POLB: variants seen among roughly 807,000 people sequenced by gnomAD.
POLB encodes DNA polymerase beta, also known as 5'-dRP lyase.
POLB carries 37 observed loss-of-function variants against 52.7 expected under a neutral mutation model. The observed-to-expected ratio is 0.70, with a 90% CI of 0.54 to 0.92. The LOEUF is 0.92. Among genes scored for constraint, POLB ranks in the 40% least tolerant of loss-of-function variants. The probability of loss-of-function intolerance (pLI) is 0.00; values close to 1 mark genes in which losing one functional copy is unlikely to be tolerated. For missense variants in POLB, 313 were observed against 400.8 expected (o/e 0.78, Z 1.87); for synonymous variants, 138 against 131.3 (o/e 1.05, Z -0.35).
At chr8:42,349,329 A>G in intron 4 of POLB, 1 of 340,388 alleles carries the variant, frequency 2.9e-6, no homozygotes, top group Non-Finnish European at 5.3e-6. Flanking sequence ...TTTCAGTACT[A>G]TTCAGAAAAG....
At chr8:42,361,226 A>G in intron 9 of POLB, 69 bp from the exon 10 acceptor site, 8 of 1,018,626 alleles carry the variant, frequency 7.9e-6, no homozygotes, top group Non-Finnish European at 1.3e-5. Flanking sequence ...GTGTGTCATC[A>G]GCTTGGTTCC....
At chr8:42,351,482 T>C (rs1822978384) in intron 5 of POLB, among the ~76,000 whole-genome samples, 1 of 152,228 alleles carries the variant, frequency 6.6e-6, no homozygotes, top group Non-Finnish European at 1.5e-5. Context: ...GCTCCTGCTT[T>C]ATTATGCTGT....
Position 42,350,087 on chromosome 8 carries a change from GAC to G in POLB, c.320+26_320+27del, listed in dbSNP as rs747183821. Reference sequence around the variant, plus strand: ...TTGGGTAAGAACTATTTTTTAAGCAGACACAATCGTCAGTTAGTTTATTTTTC... The same window carrying G: ...TTGGGTAAGAACTATTTTTTAAGCAGACAATCGTCAGTTAGTTTATTTTTC... On this transcript the variant is annotated intron_variant, in intron 5 of 13. Coordinates refer to ENST00000265421, the MANE Select transcript of POLB (RefSeq NM_002690.3). The G allele has an allele frequency of 6.0e-6, 9 of 1,490,522 alleles. No homozygotes were observed. The South Asian group carries it at 1.0e-4, about 17-fold the overall frequency. The allele number at this position is 1,490,522 out of a possible 1,614,324, so 92.3% of individuals were successfully genotyped here.
intron 2 of POLB, chr8:42,342,399 A>G: frequency 6.9e-7 from 1 of 1,454,566 alleles, no homozygotes; most frequent in Non-Finnish European, 9.5e-7. Context: ...GTTCGTGTGC[A>G]TATGCTGCGC....
Position 42,341,925 on chromosome 8 carries a change from C to T in POLB, c.119+2856C>T, listed in dbSNP as rs555728698. ...TAGACTGGATTCTCTCCTATAGCAG[C>T]ATGAGCTTTCATCTCCTTCATCATG... On this transcript the variant is annotated intron_variant, in intron 2 of 13. Coordinates refer to ENST00000265421, the MANE Select transcript of POLB (RefSeq NM_002690.3). 7.0e-5 allele frequency: 47 copies of T among 668,160 alleles called. No individual in the cohort carries two copies. The East Asian group carries it at 1.1e-3, about 16-fold the overall frequency. The allele number at this position is 668,160 out of a possible 1,614,324, so 41.4% of individuals were successfully genotyped here.
Position 42,370,268 on chromosome 8 carries a change from T to TG in POLB, c.913+280_913+281insG, listed in dbSNP as rs1330925936. ...TTATTCATCTAAAAGGGTTTTTTTT[T>TG]TTTTTTTTTTTTTTTTGCTGTTGTT... is the stretch of plus-strand genomic sequence containing the variant. On this transcript the variant is annotated intron_variant, in intron 13 of 13. Transcript: ENST00000265421. 988 of 450,278 alleles carry TG rather than the reference T, an allele frequency of 2.2e-3. 1 individual carries two copies. The highest frequency in any genetic ancestry group is 3.6e-3 in the South Asian group (193 of 54,316). The allele number at this position is 450,278 out of a possible 1,614,324, so 27.9% of individuals were successfully genotyped here. A position where few individuals can be genotyped will look rare whatever the true frequency, so the allele number is the denominator to read the frequency against.
At chr8:42,354,645 G>T (rs925086651) in intron 6 of POLB, 5 of 397,872 alleles carry the variant, frequency 1.3e-5, no homozygotes, top group Non-Finnish European at 2.5e-5. Context: ...CTGGGTTCAA[G>T]TGATTCTCCT....
intron 9 of POLB, chr8:42,357,721 C>A: frequency 1.6e-5 from 3 of 189,464 alleles, no homozygotes; most frequent in Non-Finnish European, 2.0e-5. Flanking sequence ...ATTTACCTTT[C>A]TTTTTCCTTT....
chr8:42,364,248 C>T (rs1823905423), intron 11 of POLB, among the ~76,000 whole-genome samples: 1 of 149,192 alleles, frequency 6.7e-6, no homozygotes, highest in South Asian at 2.1e-4. Flanking sequence ...TTCTTAGTTC[C>T]TTTTTTTTTG....
intron 5 of POLB, among the ~76,000 whole-genome samples, chr8:42,350,631 G>T (rs1220921671): frequency 2.0e-5 from 3 of 152,080 alleles, no homozygotes; most frequent in Non-Finnish European, 2.9e-5. Flanking sequence ...TGGTACCAAG[G>T]TGGGCTTTTT....
At chr8:42,345,417 C>T (rs1246521835) in intron 3 of POLB, among the ~76,000 whole-genome samples, 2 of 152,070 alleles carry the variant, frequency 1.3e-5, no homozygotes, top group African/African-American at 4.8e-5. Flanking sequence ...GTGCGTGTTC[C>T]CCAGAGAGAT....
At position 42,342,208 on chromosome 8, in the gene POLB, G is replaced by A. The variant is rs1213568725; in HGVS notation, c.120-2745G>A. 3.2e-6 allele frequency: 5 copies of A among 1,555,208 alleles called. No individual in the cohort carries two copies. In the African/African-American group the frequency reaches 5.4e-5, roughly 17 times the overall value. ...TGGCAAGGCCTGCATCCAAATAGCA[G>A]GTGAAAGCACCTGGCTGACCATCAA... On this transcript the variant is annotated intron_variant, in intron 2 of 13. Transcript: ENST00000265421.
At chr8:42,345,273 A>G (rs185498497) in intron 3 of POLB, among the ~76,000 whole-genome samples, 29 of 152,228 alleles carry the variant, frequency 1.9e-4, no homozygotes, top group Non-Finnish European at 5.9e-5. Context: ...CTGTTACAAT[A>G]TATACATGTA....
chr8:42,364,980 G>A (rs529330592), intron 11 of POLB, among the ~76,000 whole-genome samples: 59 of 152,240 alleles, frequency 3.9e-4, no homozygotes, highest in East Asian at 5.8e-4. Flanking sequence ...CCAGTGACTT[G>A]GGAGGCTAAG....
chr8:42,352,361 T>G (rs1823027933), intron 5 of POLB, among the ~76,000 whole-genome samples, 158 bp from the exon 6 acceptor site: 1 of 152,218 alleles, frequency 6.6e-6, no homozygotes, highest in Admixed American at 6.5e-5. Context: ...GCTTCAATAA[T>G]TCGTACTTCG....
chr8:42,344,331 TG>T (rs1822460906), intron 2 of POLB, among the ~76,000 whole-genome samples: 2 of 151,632 alleles, frequency 1.3e-5, no homozygotes, highest in South Asian at 4.2e-4. Context: ...TAGCCAGGCA[TG>T]GTGGCGGGTA....
At chr8:42,343,369 T>TATATATATACACAC (rs761101423) in intron 2 of POLB, among the ~76,000 whole-genome samples, 69 of 36,302 alleles carry the variant, frequency 1.9e-3, no homozygotes, top group Non-Finnish European at 3.8e-3. Context: ...TATATATATA[T>TATATATATACACAC]ACACAAAATT....
intron 11 of POLB, 30 bp downstream of exon 11, chr8:42,362,728 A>C (rs774517394): frequency 5.1e-5 from 65 of 1,268,718 alleles, no homozygotes; most frequent in South Asian, 1.2e-4. Context: ...AGCACATCTA[A>C]AAAAAAACTT....
At position 42,338,995 on chromosome 8, in the gene POLB, C is replaced by A. The variant is rs778907083; in HGVS notation, c.62-17C>A. The A allele has an allele frequency of 1.2e-6, 2 of 1,610,976 alleles. No individual in the cohort carries two copies. Among genetic ancestry groups the A allele is most frequent in the Non-Finnish European group, 1.7e-6 (2 of 1,177,044 alleles). On this transcript the variant is annotated splice_polypyrimidine_tract_variant and intron_variant, in intron 1 of 13. Coordinates refer to ENST00000265421, the MANE Select transcript of POLB (RefSeq NM_002690.3). ...ACTCGTGGTTCTTGTTCACCCGAGC[C>A]TTCTGTTGCCTTTCAGAACTCGCAA...
Sources: allele counts gnomAD v4.1 joint callset (sites outside exome capture counted in the v4.1 genomes callset), GRCh38; gene constraint gnomAD v4.1.1; transcripts MANE v1.5; gene names NCBI Gene and HGNC (gene_info 2026-07-23, HGNC 2026-07-21).